Variants in IL6R observed in about 807,000 individuals in gnomAD.
The protein encoded by IL6R is interleukin 6 receptor, also known as interleukin-6 receptor subunit alpha.
IL6R carries 38 observed loss-of-function variants against 48.3 expected under a neutral mutation model. The observed-to-expected ratio is 0.79, with a 90% confidence interval of 0.61 to 1.03. The LOEUF (loss-of-function observed/expected upper bound fraction) is 1.03, where lower values mean the gene tolerates loss of function less well. Among genes scored for constraint, IL6R ranks in the 50% least tolerant of loss-of-function variants. The pLI is 0.00. For synonymous variants in IL6R, 264 were observed against 256.2 expected, an observed-to-expected ratio of 1.03 and a Z score of -0.29; for missense variants, 534 against 618.3, an observed-to-expected ratio of 0.86 and a Z score of 1.45.
intron 8 of IL6R, chr1:154,454,251 C>A (rs1236041069): frequency 1.8e-6 from 1 of 545,286 alleles, no homozygotes; most frequent in South Asian, 2.1e-5. Context: ...TGGTGGAATC[C>A]TGGAATCTAG....
chr1:154,446,312 T>A (rs552030339), intron 6 of IL6R, among the ~76,000 whole-genome samples: 2 of 152,182 alleles, frequency 1.3e-5, no homozygotes, highest in Non-Finnish European at 2.9e-5. Flanking sequence ...GAAGAGTGGA[T>A]GCATTCTTAT....
At chr1:154,438,796 G>A (rs1242994968) in intron 6 of IL6R, among the ~76,000 whole-genome samples, 10 of 152,160 alleles carry the variant, frequency 6.6e-5, no homozygotes, top group African/African-American at 2.4e-4. Context: ...TGTAATCCTA[G>A]TTGGATGCAA....
At chr1:154,454,145 A>AG in intron 8 of IL6R, 1 of 329,870 alleles carries the variant, frequency 3.0e-6, no homozygotes, top group South Asian at 3.6e-5. Flanking sequence ...GAGCAGGTGG[A>AG]ATGTCACCAG....
At chr1:154,425,749 G>A (rs1054370302) in intron 1 of IL6R, among the ~76,000 whole-genome samples, 13 of 150,816 alleles carry the variant, frequency 8.6e-5, no homozygotes, top group Non-Finnish European at 1.8e-4. Context: ...ACTTCAGCCT[G>A]AGTGACAGAG....
chr1:154,464,641 AG>A (rs1181729514), intron 9 of IL6R, among the ~76,000 whole-genome samples: 2 of 152,010 alleles, frequency 1.3e-5, no homozygotes, highest in Non-Finnish European at 2.9e-5. Context: ...CCAACTCTTC[AG>A]AGTATGGTGA....
chr1:154,448,063 C>G, intron 6 of IL6R, 62 bp from the exon 7 acceptor site: 1 of 1,313,558 alleles, frequency 7.6e-7, no homozygotes, highest in South Asian at 1.2e-5. Context: ...GATGCTGAAG[C>G]CCCTGAGACA....
At chr1:154,451,204 T>C (rs953365560) in intron 8 of IL6R, among the ~76,000 whole-genome samples, 1 of 152,144 alleles carries the variant, frequency 6.6e-6, no homozygotes, top group Non-Finnish European at 1.5e-5. Flanking sequence ...ATGGGTGGGA[T>C]GCAAGAGGTT....
chr1:154,414,445 C>T (rs1688215082), intron 1 of IL6R: 1 of 1,288,836 alleles, frequency 7.8e-7, no homozygotes, highest in Non-Finnish European at 1.1e-6. Flanking sequence ...TGTCTTCTGG[C>T]TCCTGCTGCT....
At chr1:154,450,902 C>A (rs1690547154) in intron 8 of IL6R, among the ~76,000 whole-genome samples, 1 of 152,218 alleles carries the variant, frequency 6.6e-6, no homozygotes, top group African/African-American at 2.4e-5. Flanking sequence ...AGGTACAAAG[C>A]CCTACCATGG....
At chr1:154,429,767 T>G (rs1689185944) in intron 2 of IL6R, among the ~76,000 whole-genome samples, 1 of 152,134 alleles carries the variant, frequency 6.6e-6, no homozygotes, top group South Asian at 2.1e-4. Flanking sequence ...CCCTTCAGTT[T>G]CATCTTTGGC....
At chr1:154,437,120 G>A (rs1320799437) in intron 6 of IL6R, among the ~76,000 whole-genome samples, 3 of 152,082 alleles carry the variant, frequency 2.0e-5, no homozygotes, top group Non-Finnish European at 4.4e-5. Flanking sequence ...GTTTTGAGAC[G>A]GAGTCTCACT....
At chr1:154,430,676 G>C in intron 3 of IL6R, 70 bp downstream of exon 3, 1 of 1,583,550 alleles carries the variant, frequency 6.3e-7, no homozygotes, top group Non-Finnish European at 8.7e-7. Flanking sequence ...AGAGGGGCTG[G>C]TTCAGGTGAT....
intron 1 of IL6R, chr1:154,414,828 G>T (rs1688238742): frequency 4.0e-6 from 3 of 752,454 alleles, no homozygotes; most frequent in Non-Finnish European, 7.3e-6. Flanking sequence ...GCAGGAAGAG[G>T]AGATTGAGGC....
chr1:154,405,419 C>A lies in IL6R; in HGVS notation c.-211C>A, dbSNP rs573580413. On this transcript the variant is annotated 5_prime_UTR_variant, in exon 1 of 10. Coordinates refer to ENST00000368485, the MANE Select transcript of IL6R (RefSeq NM_000565.4). This position sits in a 1 kb window ranked among gnomAD's most constrained non-coding sequence, Gnocchi z 5.2. ...GTGGGAAGTCGCACTGACACTGAGCCGGGCCAGAGGGAGAGGAGCCGAGCG... is the reference window on the plus strand; with the variant it reads ...GTGGGAAGTCGCACTGACACTGAGCAGGGCCAGAGGGAGAGGAGCCGAGCG... 1.9e-6 allele frequency: 1 copy of A among 531,836 alleles called. No homozygotes were observed. The highest frequency in any genetic ancestry group is 3.3e-6 in the Non-Finnish European group (1 of 304,908). 32.9% of individuals were successfully genotyped at this position (531,836 alleles called of 1,614,324 possible).
intron 9 of IL6R, among the ~76,000 whole-genome samples, chr1:154,455,492 C>T (rs549046788): frequency 1.9e-3 from 253 of 135,330 alleles, no homozygotes; most frequent in South Asian, 8.6e-3. Context: ...CTTGCTCTGT[C>T]GCCCAGGCTG....
At chr1:154,447,476 T>TATACACAC (rs1424013885) in intron 6 of IL6R, among the ~76,000 whole-genome samples, 6 of 68,810 alleles carry the variant, frequency 8.7e-5, no homozygotes, top group Non-Finnish European at 8.3e-5. Flanking sequence ...TATATATATA[T>TATACACAC]ACACACACAC....
intron 1 of IL6R, among the ~76,000 whole-genome samples, chr1:154,421,718 C>T (rs775878585): frequency 3.3e-5 from 5 of 152,094 alleles, no homozygotes; most frequent in African/African-American, 4.8e-5. Context: ...CTCCTGGGCT[C>T]AAGTGATCCT....
At chr1:154,418,195 T>C (rs1351885696) in intron 1 of IL6R, among the ~76,000 whole-genome samples, 1 of 152,184 alleles carries the variant, frequency 6.6e-6, no homozygotes, top group Admixed American at 6.5e-5. Context: ...TCTAATTAGT[T>C]TATAATCTCT....
chr1:154,416,649 A>T (rs1239484124), intron 1 of IL6R, among the ~76,000 whole-genome samples: 1 of 152,034 alleles, frequency 6.6e-6, no homozygotes, highest in African/African-American at 2.4e-5. Flanking sequence ...AGTGAGCTGG[A>T]CCAGTGTGTG....
Sources: gnomAD v4.1 joint callset for allele counts (sites outside exome capture counted in the v4.1 genomes callset) on GRCh38, gnomAD v4.1.1 for gene constraint, Gnocchi (gnomAD v3.1) non-coding constraint, MANE v1.5 for transcripts, NCBI Gene and HGNC (gene_info 2026-07-23, HGNC 2026-07-21) for gene names.